DNAH12: variants seen among roughly 807,000 people sequenced by gnomAD.
DNAH12 encodes dynein axonemal heavy chain 12, also known as axonemal beta dynein heavy chain 12.
Under a neutral mutation model 371.5 loss-of-function variants are expected in DNAH12, and 285 were observed. The ratio of observed to expected loss-of-function variants is 0.77; its 90% CI spans 0.70 to 0.85. The LOEUF (loss-of-function observed/expected upper bound fraction) is 0.85, where lower values mean the gene tolerates loss of function less well. Among genes scored for constraint, DNAH12 ranks in the 40% least tolerant of loss-of-function variants. DNAH12 has a pLI of 0.00. For missense variants in DNAH12, 3,611 were observed against 3,689.4 expected, an observed-to-expected ratio of 0.98 and a Z score of 0.55; for synonymous variants, 1,200 against 1,213.0, an observed-to-expected ratio of 0.99 and a Z score of 0.22.
At chr3:57,420,539 A>G (rs745473116) in intron 36 of DNAH12, among the ~76,000 whole-genome samples, 19 of 152,174 alleles carry the variant, frequency 1.2e-4, no homozygotes, top group Non-Finnish European at 2.5e-4. Flanking sequence ...GCATTTCCCT[A>G]CTGTCACTTT....
At chr3:57,464,792 G>T (rs2066150777) in intron 17 of DNAH12, among the ~76,000 whole-genome samples, 1 of 152,166 alleles carries the variant, frequency 6.6e-6, no homozygotes, top group South Asian at 2.1e-4. Flanking sequence ...AAAGGAGTTA[G>T]CACTATAGAT....
intron 58 of DNAH12, among the ~76,000 whole-genome samples, chr3:57,362,499 G>A (rs1050832757): frequency 6.6e-6 from 1 of 152,110 alleles, no homozygotes; most frequent in Non-Finnish European, 1.5e-5. Context: ...TAAAAGTGTT[G>A]CTATTTCTCC....
At chr3:57,357,456 G>T in intron 58 of DNAH12, 108 bp from the exon 59 acceptor site, 1 of 152,006 alleles carries the variant, frequency 6.6e-6, no homozygotes, top group Non-Finnish European at 1.5e-5. Context: ...TGCAATAACA[G>T]TATATGAGTT....
At chr3:57,316,741 G>A (rs2061693562) in intron 65 of DNAH12, among the ~76,000 whole-genome samples, 1 of 152,112 alleles carries the variant, frequency 6.6e-6, no homozygotes, top group South Asian at 2.1e-4. Context: ...AGATCCGATG[G>A]TTTTATAAGT....
intron 11 of DNAH12, among the ~76,000 whole-genome samples, chr3:57,495,965 T>C (rs959788655): frequency 2.8e-5 from 4 of 141,988 alleles, no homozygotes; most frequent in South Asian, 2.1e-4. Flanking sequence ...TATATTTATA[T>C]ATTTTAATCC....
chr3:57,339,394 A>G (rs2062335167), intron 60 of DNAH12, among the ~76,000 whole-genome samples: 1 of 150,210 alleles, frequency 6.7e-6, no homozygotes, highest in Admixed American at 7.2e-5. Context: ...AAAAAAAAAA[A>G]AAGAAAGAAA....
rs141725730 is a variant in DNAH12 at position 57,523,855 on chromosome 3, C to G, written c.200G>C (p.Arg67Thr). ...TAGAGGTGTTCTTTTACCCAGTGTTCTGTCTAAATTTCTTTTGGCTCCATC... is the reference window on the plus strand; with the variant it reads ...TAGAGGTGTTCTTTTACCCAGTGTTGTGTCTAAATTTCTTTTGGCTCCATC... Reference protein sequence around the residue: ...VIDGAKRNLDRTLGKRTPLLP... With the variant: ...VIDGAKRNLDTTLGKRTPLLP... The change falls in exon 3 of 74, where the codon AGA becomes ACA. Residue 67 changes from arginine (R) to threonine (T), a missense_variant. By Grantham distance (71) the Arg-to-Thr change is moderately conservative. This residue lies in a region of DNAH12 where 1,314 missense variants were observed against 1,398.7 expected (regional missense o/e 0.94). Coordinates refer to ENST00000495027, the MANE Select transcript of DNAH12 (RefSeq NM_001366028.2). The G allele has an allele frequency of 6.2e-7, 1 of 1,604,892 alleles. No individual in the cohort carries two copies.
chr3:57,326,038 T>G (rs981905229), intron 62 of DNAH12, among the ~76,000 whole-genome samples: 19 of 152,040 alleles, frequency 1.2e-4, no homozygotes, highest in African/African-American at 4.3e-4. Flanking sequence ...GAACAAAGCC[T>G]CCAAGAAATA....
intron 59 of DNAH12, among the ~76,000 whole-genome samples, chr3:57,353,657 G>A: frequency 6.6e-6 from 1 of 152,214 alleles, no homozygotes; most frequent in Non-Finnish European, 1.5e-5. Flanking sequence ...TCCAAAATCT[G>A]TAAGGAATTT....
intron 4 of DNAH12, among the ~76,000 whole-genome samples, chr3:57,513,764 A>G (rs1353389308): frequency 6.6e-6 from 1 of 152,230 alleles, no homozygotes; most frequent in Non-Finnish European, 1.5e-5. Context: ...CATCTGTCAC[A>G]TATCAGATTG....
At position 57,509,209 on chromosome 3, in the gene DNAH12, T is replaced by C. The variant is rs758550549; in HGVS notation, c.473A>G (p.Gln158Arg). 6.2e-7 allele frequency: 1 copy of C among 1,612,956 alleles called. No homozygotes were observed. The stretch of plus-strand genomic sequence containing the variant: ...AACTGGTGGTTTCACAAGAACGCTC[T>C]GCACTAAAATACATGGATATATTAA... Reference protein sequence around the residue: ...FENSMKRYLVQSVLVKPPVKS... With the variant: ...FENSMKRYLVRSVLVKPPVKS... The change falls in exon 6 of 74, where the codon CAG (glutamine) becomes CGG (arginine). Residue 158 changes from glutamine to arginine, a missense_variant. Around this residue, in one of 3 missense-constraint regions of DNAH12, gnomAD observed 1,314 missense variants for 1,398.7 expected, o/e 0.94. Transcript: ENST00000495027.
intron 35 of DNAH12, among the ~76,000 whole-genome samples, chr3:57,423,662 A>T (rs1327684496): frequency 6.6e-6 from 1 of 152,118 alleles, no homozygotes; most frequent in Non-Finnish European, 1.5e-5. Flanking sequence ...CAGGAAAAAG[A>T]CACTAAAAAC....
intron 36 of DNAH12, among the ~76,000 whole-genome samples, chr3:57,420,369 GTA>G (rs2064531701): frequency 6.6e-6 from 1 of 152,102 alleles, no homozygotes; most frequent in Non-Finnish European, 1.5e-5. Flanking sequence ...AATTGTACAC[GTA>G]TATGTTACAT....
chr3:57,499,673 T>TATATATATATATATATAC (rs771112538), intron 11 of DNAH12, among the ~76,000 whole-genome samples: 1 of 44,454 alleles, frequency 2.2e-5, no homozygotes, highest in African/African-American at 8.9e-5. Context: ...TATATATATA[T>TATATATATATATATATAC]ATACTTCTTA....
At chr3:57,397,121 A>T (rs2063758103) in intron 43 of DNAH12, among the ~76,000 whole-genome samples, 2 of 152,368 alleles carry the variant, frequency 1.3e-5, no homozygotes, top group East Asian at 3.9e-4. Context: ...AGGTGGTATT[A>T]CCCAAATTTT....
chr3:57,433,868 A>G, intron 30 of DNAH12, 40 bp from the exon 31 acceptor site: 17 of 1,429,234 alleles, frequency 1.2e-5, no homozygotes, highest in Non-Finnish European at 1.6e-5. Flanking sequence ...AAGAGTCTTT[A>G]AAGAGTTAAA....
intron 55 of DNAH12, among the ~76,000 whole-genome samples, chr3:57,374,606 G>C (rs1373403141): frequency 1.3e-5 from 2 of 152,072 alleles, no homozygotes; most frequent in African/African-American, 4.8e-5. Context: ...GCAATACCTA[G>C]TTAAAACAAG....
At chr3:57,526,755 C>T (rs1369817223) in intron 2 of DNAH12, among the ~76,000 whole-genome samples, 1 of 151,878 alleles carries the variant, frequency 6.6e-6, no homozygotes, top group East Asian at 1.9e-4. Context: ...GATTTCCTGA[C>T]CTTGTGATCT....
chr3:57,446,371 T>C, intron 26 of DNAH12, 101 bp from the exon 27 acceptor site: 3 of 1,441,610 alleles, frequency 2.1e-6, no homozygotes, highest in South Asian at 1.5e-5. Context: ...AAGTTAAATT[T>C]AGTAAAAGTT....
Sources: allele counts gnomAD v4.1 joint callset (sites outside exome capture counted in the v4.1 genomes callset), GRCh38; gene constraint gnomAD v4.1.1; regional missense constraint gnomAD v4.1.1; transcripts MANE v1.5; gene names NCBI Gene and HGNC (gene_info 2026-07-23, HGNC 2026-07-21).